The following ABCC2 variants were observed in gnomAD, a reference collection of about 807,000 sequenced individuals.
ABCC2 encodes ATP binding cassette subfamily C member 2, also known as ATP-binding cassette sub-family C member 2.
ABCC2 carries 157 observed loss-of-function variants against 173.4 expected under a neutral mutation model. The observed-to-expected ratio is 0.91, with a 90% CI of 0.80 to 1.03. The LOEUF is 1.03. Among genes scored for constraint, ABCC2 ranks in the 50% least tolerant of loss-of-function variants. ABCC2 has a pLI of 0.00. For synonymous variants in ABCC2, 657 were observed against 693.5 expected, an observed-to-expected ratio of 0.95 and a Z score of 0.83; for missense variants, 1,822 against 1,852.3, an observed-to-expected ratio of 0.98 and a Z score of 0.30.
At chr10:99,842,957 G>A (rs2038968180) in intron 26 of ABCC2, among the ~76,000 whole-genome samples, 1 of 151,960 alleles carries the variant, frequency 6.6e-6, no homozygotes, top group African/African-American at 2.4e-5. Flanking sequence ...GGAGGCTGAG[G>A]CAGGAGAATC....
intron 9 of ABCC2, among the ~76,000 whole-genome samples, chr10:99,803,769 A>C (rs963563996): frequency 6.6e-6 from 1 of 152,198 alleles, no homozygotes; most frequent in Non-Finnish European, 1.5e-5. Flanking sequence ...AAGGATAAAT[A>C]GGAGTTTTCT....
intron 10 of ABCC2, 131 bp downstream of exon 10, chr10:99,804,404 G>T (rs1057205728): frequency 8.2e-7 from 1 of 1,213,992 alleles, no homozygotes; most frequent in East Asian, 2.5e-5. Flanking sequence ...CATCTCAATT[G>T]TACTTAGCTG....
rs563357105 is a variant in ABCC2, at chr10:99,801,253, T to C, written c.1209+690T>C. Among the ~76,000 whole-genome samples, 6 of 152,320 alleles carry C rather than the reference T, an allele frequency of 3.9e-5. No homozygotes were observed. The East Asian group carries it at 1.2e-3, about 29-fold the overall frequency. On this transcript the variant is annotated intron_variant, in intron 9 of 31. Coordinates refer to ENST00000647814, the MANE Select transcript of ABCC2 (RefSeq NM_000392.5). ...TTGTTTTGTTTTGTTTTGGTTGTTT[T>C]TGAGATGGAGTCTCGCTCTATCACC... is the stretch of plus-strand genomic sequence containing the variant.
chr10:99,818,953 G>A lies in ABCC2; in HGVS notation c.2435G>A (p.Gly812Asp), dbSNP rs1334232476. The change falls in exon 18 of 32, where the codon GGC becomes GAC. Residue 812 changes from glycine to aspartate, a missense_variant. Gly to Asp is a moderately conservative substitution (Grantham distance 94). Coordinates refer to ENST00000647814, the MANE Select transcript of ABCC2 (RefSeq NM_000392.5). ...KVLGPNGLLKGKTRLLVTHSM... is the reference protein window; with the variant it reads ...KVLGPNGLLKDKTRLLVTHSM... ...TTGGGCCCCAATGGCCTGTTGAAAG[G>A]CAAGGTGAGAAATCATTGAACATGA... The A allele has an allele frequency of 6.2e-7, 1 of 1,613,128 alleles. No individual in the cohort carries two copies. Among genetic ancestry groups the A allele is most frequent in the South Asian group, 1.1e-5 (1 of 91,068 alleles).
chr10:99,850,880 CAGA>C, intron 31 of ABCC2, 84 bp downstream of exon 31: 14 of 1,510,756 alleles, frequency 9.3e-6, no homozygotes, highest in Middle Eastern at 3.5e-4. Context: ...CACCTGATGG[CAGA>C]AGGTTTAACC....
intron 2 of ABCC2, among the ~76,000 whole-genome samples, chr10:99,789,571 C>T (rs776156458): frequency 5.3e-5 from 8 of 151,754 alleles, no homozygotes; most frequent in South Asian, 2.1e-4. Flanking sequence ...AAAAATTAGC[C>T]GGGCATAATG....
intron 19 of ABCC2, among the ~76,000 whole-genome samples, chr10:99,823,591 T>C (rs1240290475): frequency 8.2e-5 from 12 of 146,594 alleles, no homozygotes; most frequent in Admixed American, 3.4e-4. Context: ...TGATGTGGAG[T>C]TTTGATTACT....
intron 29 of ABCC2, 31 bp from the exon 30 acceptor site, chr10:99,846,930 C>T: frequency 6.2e-7 from 1 of 1,613,850 alleles, no homozygotes; most frequent in African/African-American, 1.3e-5. Context: ...TGGCATGAGC[C>T]CCAACAGCCC....
intron 12 of ABCC2, 141 bp from the exon 13 acceptor site, chr10:99,807,942 T>C (rs2038141203): frequency 9.7e-7 from 1 of 1,029,698 alleles, no homozygotes; most frequent in African/African-American, 1.6e-5. Flanking sequence ...TCTCCTGGGC[T>C]CAGTTTTCTC....
chr10:99,807,981 C>T (rs1218092656), intron 12 of ABCC2, 102 bp from the exon 13 acceptor site: 5 of 1,429,130 alleles, frequency 3.5e-6, no homozygotes, highest in Middle Eastern at 1.7e-4. Flanking sequence ...CTGGATGATC[C>T]TTAAGGCGCC....
intron 29 of ABCC2, 89 bp from the exon 30 acceptor site, chr10:99,846,872 A>T: frequency 6.5e-7 from 1 of 1,536,696 alleles, no homozygotes; most frequent in South Asian, 1.1e-5. Context: ...ATCTCAGGCC[A>T]GTCCTATCCA....
intron 19 of ABCC2, among the ~76,000 whole-genome samples, chr10:99,820,534 G>A (rs1044435978): frequency 6.6e-6 from 1 of 152,154 alleles, no homozygotes; most frequent in Non-Finnish European, 1.5e-5. Flanking sequence ...AAGGCGGAAG[G>A]ATCACTGGAG....
chr10:99,795,139 G>T (rs540374884), intron 6 of ABCC2, among the ~76,000 whole-genome samples: 6 of 152,296 alleles, frequency 3.9e-5, no homozygotes, highest in African/African-American at 1.4e-4. Flanking sequence ...CTTTATAGTT[G>T]CAGGGACCCA....
chr10:99,825,287 G>C (rs1053547411), intron 19 of ABCC2, among the ~76,000 whole-genome samples: 2 of 152,238 alleles, frequency 1.3e-5, no homozygotes, highest in Non-Finnish European at 2.9e-5. Flanking sequence ...TAAAATCTCA[G>C]TACTTTGATA....
At chr10:99,810,986 T>G (rs1283972963) in intron 14 of ABCC2, among the ~76,000 whole-genome samples, 1 of 151,532 alleles carries the variant, frequency 6.6e-6, no homozygotes, top group Admixed American at 6.6e-5. Context: ...ATTGCGCCAT[T>G]GCACTCCAGC....
Position 99,797,161 on chromosome 10 carries a change from A to G in ABCC2, c.697A>G (p.Met233Val), listed in dbSNP as rs761638769. The change falls in exon 7 of 32, where the codon ATG becomes GTG. Residue 233 changes from methionine (M) to valine (V), a missense_variant. Met to Val is a conservative substitution (Grantham distance 21). Transcript: ENST00000647814. ...LEDVWEVDEE[M>V]KTKTLVSKFE... ...GGATGTCTGGGAAGTTGATGAAGAG[A>G]TGAAAACCAAGACATTAGTGAGCAA... 6.2e-7 allele frequency: 1 copy of G among 1,614,148 alleles called. No individual in the cohort carries two copies. Among genetic ancestry groups the G allele is most frequent in the South Asian group, 1.1e-5 (1 of 91,082 alleles).
intron 8 of ABCC2, among the ~76,000 whole-genome samples, chr10:99,799,932 T>C (rs553213326): frequency 1.3e-5 from 2 of 152,330 alleles, no homozygotes; most frequent in East Asian, 1.9e-4. Context: ...CTGGACATGG[T>C]GGCTCATGAC....
At chr10:99,799,437 T>A in intron 8 of ABCC2, 67 bp downstream of exon 8, 1 of 1,551,974 alleles carries the variant, frequency 6.4e-7, no homozygotes, top group Non-Finnish European at 8.9e-7. Context: ...TGCCACTGTG[T>A]ATGCAAGCAG....
At chr10:99,787,299 T>G (rs2037730737) in intron 2 of ABCC2, among the ~76,000 whole-genome samples, 1 of 152,252 alleles carries the variant, frequency 6.6e-6, no homozygotes, top group African/African-American at 2.4e-5. Context: ...AAATCTCTTT[T>G]CTGTCTTTAT....
Sources: gnomAD v4.1 joint callset for allele counts (sites outside exome capture counted in the v4.1 genomes callset) on GRCh38, gnomAD v4.1.1 for gene constraint, MANE v1.5 for transcripts, NCBI Gene and HGNC (gene_info 2026-07-23, HGNC 2026-07-21) for gene names.